The following ENTPD4 variants were observed in gnomAD, a reference collection of about 807,000 sequenced individuals.
The protein encoded by ENTPD4 is ectonucleoside triphosphate diphosphohydrolase 4.
ENTPD4 carries 60 observed loss-of-function variants against 79.1 expected under a neutral mutation model. The ratio of observed to expected loss-of-function variants is 0.76; its 90% CI spans 0.62 to 0.94. The LOEUF (loss-of-function observed/expected upper bound fraction) is 0.94, where lower values mean the gene tolerates loss of function less well. ENTPD4 is among the 40% of genes least tolerant of loss of function. The pLI is 0.00. For synonymous variants in ENTPD4, 276 were observed against 292.0 expected (o/e 0.95, Z 0.56); for missense variants, 772 against 775.1 (o/e 1.00, Z 0.05).
Position 23,433,015 on chromosome 8 carries a change from T to G in ENTPD4, c.1762A>C (p.Ile588Leu), listed in dbSNP as rs1470226006. 1 of 1,614,026 alleles carries G rather than the reference T, an allele frequency of 6.2e-7. No individual in the cohort carries two copies. Among genetic ancestry groups the G allele is most frequent in the Non-Finnish European group, 8.5e-7 (1 of 1,179,952 alleles). Residue 588 changes from isoleucine (I) to leucine (L), a missense_variant, in exon 13 of 13, where the codon ATC becomes CTC. By Grantham distance (5) the Ile-to-Leu change is conservative. Coordinates refer to ENST00000358689, the MANE Select transcript of ENTPD4 (RefSeq NM_004901.5). Reference sequence around the variant, plus strand: ...CTGCTCCGGGGAGTGCGCCTGTGGATGCGCCGCAGCCGCAGCAGGTACAGC... The same window carrying G: ...CTGCTCCGGGGAGTGCGCCTGTGGAGGCGCCGCAGCCGCAGCAGGTACAGC... ...ILLYLLRLRRIHRRTPRSSSA... is the reference protein window; with the variant it reads ...ILLYLLRLRRLHRRTPRSSSA...
At chr8:23,451,021 T>C (rs183958268) in intron 1 of ENTPD4, among the ~76,000 whole-genome samples, 20 of 122,636 alleles carry the variant, frequency 1.6e-4, no homozygotes, top group African/African-American at 6.8e-4. Flanking sequence ...TTTTTTCTTT[T>C]CTTTTTTTTT....
chr8:23,432,803 T>C lies in ENTPD4; in HGVS notation c.*123A>G. The C allele has an allele frequency of 6.9e-7, 1 of 1,442,880 alleles. No individual in the cohort carries two copies. The highest frequency in any genetic ancestry group is 9.1e-7 in the Non-Finnish European group (1 of 1,100,760). 89.4% of individuals were successfully genotyped at this position (1,442,880 alleles called of 1,614,324 possible). ...GTGAGCCACCGCGCTCGGCCTGCATTTTGTTTTTGTTTGGAGGAACAAAAA... is the reference window on the plus strand; with the variant it reads ...GTGAGCCACCGCGCTCGGCCTGCATCTTGTTTTTGTTTGGAGGAACAAAAA... On this transcript the variant is annotated 3_prime_UTR_variant, in exon 13 of 13. Coordinates refer to ENST00000358689, the MANE Select transcript of ENTPD4 (RefSeq NM_004901.5).
At position 23,439,978 on chromosome 8, in the gene ENTPD4, A is replaced by C. The variant is rs147490479; in HGVS notation, c.883-63T>G. ...CTACTTTAGCCTCCTACTAAAAAGA[A>C]AAGTCTAAAAATAGTCTCATCTAAA... On this transcript the variant is annotated intron_variant, in intron 8 of 12. Coordinates refer to ENST00000358689, the MANE Select transcript of ENTPD4 (RefSeq NM_004901.5). 89 of 1,438,318 alleles carry C rather than the reference A, an allele frequency of 6.2e-5. No homozygotes were observed. The African/African-American group carries it at 1.0e-3, about 16-fold the overall frequency. The allele number at this position is 1,438,318 out of a possible 1,614,324, so 89.1% of individuals were successfully genotyped here.
chr8:23,446,219 G>A (rs1352454024), intron 4 of ENTPD4, among the ~76,000 whole-genome samples: 1 of 152,170 alleles, frequency 6.6e-6, no homozygotes, highest in Non-Finnish European at 1.5e-5. Flanking sequence ...TGATTTTAAT[G>A]AGATTCTAAT....
At position 23,447,875 on chromosome 8, in the gene ENTPD4, G is replaced by A. The variant is rs779900860; in HGVS notation, c.217C>T (p.Arg73Ter). The change falls in exon 4 of 13, where the codon CGA becomes TGA. Residue 73 changes from arginine to a stop codon, truncating the protein, a stop_gained. Coordinates refer to ENST00000358689, the MANE Select transcript of ENTPD4 (RefSeq NM_004901.5). LOFTEE classifies it high-confidence loss of function. ...RDKKFQRYLA[R>*]VTDIEATDTN... ...TCTGTAGCTTCAATGTCGGTAACTCGTGCCAGGTACCTTGTATAGAAACAC... is the reference window on the plus strand; with the variant it reads ...TCTGTAGCTTCAATGTCGGTAACTCATGCCAGGTACCTTGTATAGAAACAC... 1.2e-6 allele frequency: 2 copies of A among 1,613,968 alleles called. No individual in the cohort carries two copies. Among genetic ancestry groups the A allele is most frequent in the South Asian group, 1.1e-5 (1 of 91,088 alleles).
chr8:23,429,978 A>G lies in ENTPD4; in HGVS notation c.*2948T>C. On this transcript the variant is annotated 3_prime_UTR_variant, in exon 13 of 13. Coordinates refer to ENST00000358689, the MANE Select transcript of ENTPD4 (RefSeq NM_004901.5). ...TGGAACATAAGCACTTATTGCTGGC[A>G]TGTTTCTACCAAGATTGAACACAAT... The G allele has an allele frequency of 1.0e-6, 1 of 985,480 alleles. No homozygotes were observed. Among genetic ancestry groups the G allele is most frequent in the Non-Finnish European group, 1.2e-6 (1 of 829,938 alleles). The allele number at this position is 985,480 out of a possible 1,614,324, so 61.0% of individuals were successfully genotyped here.
At chr8:23,455,210 T>C (rs1471237507) in intron 1 of ENTPD4, among the ~76,000 whole-genome samples, 1 of 152,164 alleles carries the variant, frequency 6.6e-6, no homozygotes, top group Non-Finnish European at 1.5e-5. Flanking sequence ...AAACACAAGA[T>C]GCAAGGAAAC....
chr8:23,439,789 A>G lies in ENTPD4; in HGVS notation c.1009T>C (p.Tyr337His). The change falls in exon 9 of 13, where the codon TAC (tyrosine) becomes CAC (histidine). Residue 337 changes from tyrosine (Y) to histidine (H), a missense_variant. Coordinates refer to ENST00000358689, the MANE Select transcript of ENTPD4 (RefSeq NM_004901.5). Reference sequence around the variant, plus strand: ...GTGTTGGCAAATATTCTGTCTTCGTATCTCTGTCGAGCAGCATTGCCACCA... The same window carrying G: ...GTGTTGGCAAATATTCTGTCTTCGTGTCTCTGTCGAGCAGCATTGCCACCA... ...GFGGNAARQR[Y>H]EDRIFANTIQ... 1 of 1,614,174 alleles carries G rather than the reference A, an allele frequency of 6.2e-7. No individual in the cohort carries two copies. Among genetic ancestry groups the G allele is most frequent in the Non-Finnish European group, 8.5e-7 (1 of 1,180,022 alleles).
chr8:23,453,514 G>C (rs1800900962), intron 1 of ENTPD4, among the ~76,000 whole-genome samples: 5 of 152,160 alleles, frequency 3.3e-5, no homozygotes, highest in Admixed American at 3.3e-4. Flanking sequence ...AGAAAAATGA[G>C]CAAAGACAAT....
intron 1 of ENTPD4, 27 bp from the exon 2 acceptor site, chr8:23,450,024 A>T: frequency 1.7e-6 from 2 of 1,178,774 alleles, no homozygotes; most frequent in Non-Finnish European, 2.5e-6. Context: ...GACAAATCAC[A>T]AAGATAGCAT....
rs1800481394 is a variant in ENTPD4, at chr8:23,432,888, G to GCTTTTC, written c.*32_*37dup. 1 of 1,512,750 alleles carries GCTTTTC rather than the reference G, an allele frequency of 6.6e-7. No individual in the cohort carries two copies. 93.7% of individuals were successfully genotyped at this position (1,512,750 alleles called of 1,614,324 possible). On this transcript the variant is annotated 3_prime_UTR_variant, in exon 13 of 13. Transcript: ENST00000358689. ...GAGGAGAAACCCTGAGGCAAAAATG[G>GCTTTTC]CTTTTCCTTTTGAGTCTTCGTGGAG...
intron 9 of ENTPD4, among the ~76,000 whole-genome samples, chr8:23,438,692 C>T (rs933409093): frequency 2.6e-5 from 4 of 152,196 alleles, no homozygotes; most frequent in Admixed American, 2.0e-4. Flanking sequence ...TAGTTTAAGA[C>T]TACTATAAAA....
intron 1 of ENTPD4, among the ~76,000 whole-genome samples, chr8:23,454,801 T>C (rs529291377): frequency 2.4e-4 from 37 of 152,014 alleles, no homozygotes; most frequent in African/African-American, 7.5e-4. Flanking sequence ...GCAGAGAAAA[T>C]AGGACAGCTT....
intron 10 of ENTPD4, among the ~76,000 whole-genome samples, chr8:23,436,049 G>C (rs932738111): frequency 6.6e-6 from 1 of 152,216 alleles, no homozygotes; most frequent in Non-Finnish European, 1.5e-5. Flanking sequence ...TGAGAGGTGG[G>C]AGATGGGCCT....
At position 23,448,916 on chromosome 8, in the gene ENTPD4, G is replaced by C; in HGVS notation, c.32C>G (p.Pro11Arg). 1.2e-6 allele frequency: 2 copies of C among 1,613,426 alleles called. No homozygotes were observed. Among genetic ancestry groups the C allele is most frequent in the Non-Finnish European group, 1.7e-6 (2 of 1,179,762 alleles). Residue 11 changes from proline to arginine, a missense_variant, in exon 3 of 13, where the codon CCT becomes CGT. Coordinates refer to ENST00000358689, the MANE Select transcript of ENTPD4 (RefSeq NM_004901.5). The part of the protein sequence containing the change: MGRIGISCLF[P>R]ASWHFSISPV... ...AGATATGCTAAAATGCCAAGAAGCA[G>C]GAAAAAGACAGGAGATGCCAATCCT... is the stretch of plus-strand genomic sequence containing the variant.
At chr8:23,443,672 G>A (rs1386158724) in intron 6 of ENTPD4, among the ~76,000 whole-genome samples, 178 bp downstream of exon 6, 1 of 152,172 alleles carries the variant, frequency 6.6e-6, no homozygotes, top group Non-Finnish European at 1.5e-5. Context: ...TAATGTTAGG[G>A]CAACAAAGAC....
rs1800438614 is a variant in ENTPD4 at position 23,430,707 on chromosome 8, G to C, written c.*2219C>G. The C allele has an allele frequency of 2.0e-6, 2 of 985,378 alleles. No individual in the cohort carries two copies. The highest frequency in any genetic ancestry group is 3.5e-5 in the African/African-American group (2 of 57,234). 61.0% of individuals were successfully genotyped at this position (985,378 alleles called of 1,614,324 possible). The stretch of plus-strand genomic sequence containing the variant: ...TATGTGACTAACTCTTCTATGCCCA[G>C]AGCTGGAAGGCGGGGTCCCCTAACT... On this transcript the variant is annotated 3_prime_UTR_variant, in exon 13 of 13. Coordinates refer to ENST00000358689, the MANE Select transcript of ENTPD4 (RefSeq NM_004901.5).
Position 23,439,835 on chromosome 8 carries a change from A to T in ENTPD4, c.963T>A (p.Tyr321Ter), listed in dbSNP as rs34632200. The T allele has an allele frequency of 6.2e-7, 1 of 1,614,162 alleles. No individual in the cohort carries two copies. Among genetic ancestry groups the T allele is most frequent in the East Asian group, 2.2e-5 (1 of 44,890 alleles). The change falls in exon 9 of 13, where the codon TAT becomes TAA. Residue 321 changes from tyrosine to a stop codon, truncating the protein, a stop_gained. Coordinates refer to ENST00000358689, the MANE Select transcript of ENTPD4 (RefSeq NM_004901.5). LOFTEE classifies it high-confidence loss of function. Reference sequence around the variant, plus strand: ...CACCAAACCCAAGAAACGTGGCCACATAGACTCGATACACATGCTCAGTTT... The same window carrying T: ...CACCAAACCCAAGAAACGTGGCCACTTAGACTCGATACACATGCTCAGTTT... ...VHQTEHVYRV[Y>*]VATFLGFGGN... is the part of the protein sequence containing the mutation.
chr8:23,445,914 G>A (rs1017591530), intron 4 of ENTPD4, among the ~76,000 whole-genome samples: 1 of 152,144 alleles, frequency 6.6e-6, no homozygotes, highest in East Asian at 1.9e-4. Context: ...CGCTTTAGAA[G>A]TCTAAAAATA....
Sources: gnomAD v4.1 joint callset for allele counts (sites outside exome capture counted in the v4.1 genomes callset) on GRCh38, gnomAD v4.1.1 for gene constraint, MANE v1.5 for transcripts, NCBI Gene and HGNC (gene_info 2026-07-23, HGNC 2026-07-21) for gene names.